CABIN1: variants seen among roughly 807,000 people sequenced by gnomAD.
CABIN1 encodes calcineurin binding protein 1, also known as calcineurin-binding protein cabin-1.
CABIN1 carries 133 observed loss-of-function variants against 227.7 expected under a neutral mutation model. That is an observed-to-expected ratio of 0.58 (90% CI 0.51 to 0.67). CABIN1 has a LOEUF of 0.67. CABIN1 is among the 30% of genes least tolerant of loss of function. CABIN1 has a pLI of 0.00. For synonymous variants in CABIN1, 1,086 were observed against 1,155.1 expected (o/e 0.94, Z 1.21); for missense variants, 2,408 against 2,852.5 (o/e 0.84, Z 3.55).
At chr22:24,170,059 C>T in intron 33 of CABIN1, 1 of 451,868 alleles carries the variant, frequency 2.2e-6, no homozygotes, top group Admixed American at 2.4e-5. Flanking sequence ...GCAGTCTCCT[C>T]CCAGTTTGTG....
At chr22:24,116,212 A>C (rs930860909) in intron 27 of CABIN1, among the ~76,000 whole-genome samples, 4 of 152,238 alleles carry the variant, frequency 2.6e-5, no homozygotes, top group Non-Finnish European at 4.4e-5. Flanking sequence ...TAAAATATGA[A>C]GGTCGCAAGA....
At chr22:24,075,617 C>T (rs780202446) in intron 18 of CABIN1, among the ~76,000 whole-genome samples, 2 of 152,074 alleles carry the variant, frequency 1.3e-5, no homozygotes, top group African/African-American at 2.4e-5. Flanking sequence ...TGGTAGCTCG[C>T]GCCTGTAGTC....
At chr22:24,143,011 C>T (rs989714381) in intron 29 of CABIN1, among the ~76,000 whole-genome samples, 8 of 152,192 alleles carry the variant, frequency 5.3e-5, no homozygotes, top group Non-Finnish European at 1.0e-4. Context: ...GGCCCTGGGC[C>T]AGCTGTGTGG....
rs149166192 is a variant in CABIN1, at chr22:24,074,090, A to G, written c.2632+1580A>G. ...TGATAATTATTACCTCTGGTACCAC[A>G]TTGTTCTCCAAAAGGATTTTAGTGG... On this transcript the variant is annotated intron_variant, in intron 18 of 36. Coordinates refer to ENST00000263119, the MANE Select transcript of CABIN1 (RefSeq NM_012295.4). Among the ~76,000 whole-genome samples, 247 of 152,036 alleles carry G rather than the reference A, an allele frequency of 1.6e-3. 2 individuals are homozygous for G. Among genetic ancestry groups the G allele is most frequent in the African/African-American group, 5.7e-3 (235 of 41,454 alleles).
intron 26 of CABIN1, among the ~76,000 whole-genome samples, chr22:24,104,002 A>G (rs1283540753): frequency 6.6e-6 from 1 of 152,080 alleles, no homozygotes; most frequent in Non-Finnish European, 1.5e-5. Context: ...GCCCATTTAG[A>G]CATGGAGCTT....
rs372830988 is a variant in CABIN1 at position 24,178,160 on chromosome 22, C to T, written c.6627C>T (p.Ser2209=). ...CCAGCCAGGAGTCCTCGCTGGAGAG[C>T]GAGACAGACGAGGACGACGACTACA... The part of the protein sequence containing the change: ...ETSSQESSLE[S]ETDEDDDYMD... Residue 2209 remains serine, a synonymous_variant, in exon 37 of 37, where the codon AGC becomes AGT. Coordinates refer to ENST00000263119, the MANE Select transcript of CABIN1 (RefSeq NM_012295.4). 1.2e-5 allele frequency: 20 copies of T among 1,613,506 alleles called. No homozygotes were observed. Among genetic ancestry groups the T allele is most frequent in the African/African-American group, 8.0e-5 (6 of 75,034 alleles).
intron 1 of CABIN1, among the ~76,000 whole-genome samples, chr22:24,019,366 T>A (rs9608231): frequency 0.28 from 43,083 of 151,438 alleles, 7,692 homozygotes; most frequent in African/African-American, 0.5. Context: ...TCCTGACTTC[T>A]TGATCCTCCT....
In CABIN1 at chr22:24,178,175, C is replaced by T. The variant is rs142176829; in HGVS notation, c.6642C>T (p.Asp2214=). The change falls in exon 37 of 37, where the codon GAC becomes GAT. Residue 2214 remains aspartate (D), a synonymous_variant. Coordinates refer to ENST00000263119, the MANE Select transcript of CABIN1 (RefSeq NM_012295.4). ...CGCTGGAGAGCGAGACAGACGAGGACGACGACTACATGGACATTTGAGGGG... is the reference window on the plus strand; with the variant it reads ...CGCTGGAGAGCGAGACAGACGAGGATGACGACTACATGGACATTTGAGGGG... ...ESSLESETDE[D]DDYMDI 3.8e-5 allele frequency: 62 copies of T among 1,613,128 alleles called. No individual in the cohort carries two copies. Among genetic ancestry groups the T allele is most frequent in the Non-Finnish European group, 4.6e-5 (54 of 1,179,828 alleles).
rs1484709380 is a variant in CABIN1 at position 24,045,069 on chromosome 22, A to G, written c.526+1985A>G. 2.0e-5 allele frequency among the ~76,000 whole-genome samples: 3 copies of G among 151,524 alleles called. No homozygotes were observed. In the East Asian group the frequency reaches 5.8e-4, roughly 29 times the overall value. ...AAAGTAGCTGGGACTACAGGCACCCACCACCAAGCCCGGCTAATTTTTTGT... is the reference window on the plus strand; with the variant it reads ...AAAGTAGCTGGGACTACAGGCACCCGCCACCAAGCCCGGCTAATTTTTTGT... On this transcript the variant is annotated intron_variant, in intron 6 of 36. Coordinates refer to ENST00000263119, the MANE Select transcript of CABIN1 (RefSeq NM_012295.4).
Position 24,036,078 on chromosome 22 carries a change from CCT to C in CABIN1, c.4-10_4-9del, listed in dbSNP as rs767459091. ...AGCAACTTGTCTCTTCCACCAAACC[CCT>C]GTTTCTAGATTCGAATTGCAGCCTT... On this transcript the variant is annotated splice_polypyrimidine_tract_variant and intron_variant, in intron 2 of 36. Coordinates refer to ENST00000263119, the MANE Select transcript of CABIN1 (RefSeq NM_012295.4). 7.9e-5 allele frequency: 127 copies of C among 1,604,322 alleles called. No homozygotes were observed. The highest frequency in any genetic ancestry group is 9.4e-5 in the Non-Finnish European group (110 of 1,171,314).
chr22:24,148,853 C>T (rs1476069491), intron 29 of CABIN1, among the ~76,000 whole-genome samples: 1 of 152,212 alleles, frequency 6.6e-6, no homozygotes, highest in Non-Finnish European at 1.5e-5. Flanking sequence ...GTGGGCTCTC[C>T]TCTGCCCTGC....
At chr22:24,111,859 T>C (rs1256866412) in intron 26 of CABIN1, among the ~76,000 whole-genome samples, 5 of 152,270 alleles carry the variant, frequency 3.3e-5, no homozygotes, top group Admixed American at 3.3e-4. Context: ...TCCTCAGCTG[T>C]GTCAGGTTGG....
chr22:24,120,804 C>T (rs1569245215), intron 28 of CABIN1, among the ~76,000 whole-genome samples: 1 of 152,138 alleles, frequency 6.6e-6, no homozygotes, highest in Admixed American at 6.5e-5. Context: ...CAGAGCGAGA[C>T]TCATCTGAAA....
At chr22:24,132,661 C>T (rs1602263011) in intron 28 of CABIN1, among the ~76,000 whole-genome samples, 2 of 152,338 alleles carry the variant, frequency 1.3e-5, no homozygotes, top group African/African-American at 2.4e-5. Context: ...AATCTCGGCT[C>T]ACTGCAACCT....
At chr22:24,087,909 A>C (rs1330157589) in intron 23 of CABIN1, among the ~76,000 whole-genome samples, 196 bp downstream of exon 23, 2 of 144,092 alleles carry the variant, frequency 1.4e-5, no homozygotes, top group East Asian at 4.2e-4. Context: ...TTGGACACCC[A>C]GTCTAGTGTA....
chr22:24,052,225 TAAGTAGAAGCAGGAGGGAG>T (rs2038391284), intron 8 of CABIN1, among the ~76,000 whole-genome samples: 1 of 152,050 alleles, frequency 6.6e-6, no homozygotes, highest in African/African-American at 2.4e-5. Context: ...GGGGGAGGGC[TAAGTAGAAGCAGGAGGGAG>T]AAGTAGAAGC....
chr22:24,083,170 G>A (rs1321885519), intron 19 of CABIN1, 58 bp from the exon 20 acceptor site: 2 of 1,566,390 alleles, frequency 1.3e-6, no homozygotes, highest in African/African-American at 2.7e-5. Context: ...GCCCTGCTGT[G>A]ACAGGGAGGC....
rs12159292 is a variant in CABIN1, at chr22:24,050,826, G to A, written c.658G>A (p.Asp220Asn). 7 of 1,614,160 alleles carry A rather than the reference G, an allele frequency of 4.3e-6. No homozygotes were observed. The African/African-American group carries it at 8.0e-5, about 18-fold the overall frequency. Residue 220 changes from aspartate to asparagine, a missense_variant and splice_region_variant, in exon 8 of 37, where the codon GAC becomes AAC. Physicochemically the swap from Asp to Asn is conservative, Grantham distance 23. Coordinates refer to ENST00000263119, the MANE Select transcript of CABIN1 (RefSeq NM_012295.4). ...TCTCCCTGTCTCACATGCTTTTAGT[G>A]ACATGTCGATTCACGATGTTTCGGT... ...KDSLRMFLKC[D>N]MSIHDVSVSA... is the part of the protein sequence containing the mutation.
chr22:24,093,413 G>T (rs186818493), intron 24 of CABIN1, among the ~76,000 whole-genome samples: 1 of 152,220 alleles, frequency 6.6e-6, no homozygotes, highest in East Asian at 1.9e-4. Flanking sequence ...TGTGGTGGTG[G>T]AGGCCAGTAG....
Sources: allele counts gnomAD v4.1 joint callset (sites outside exome capture counted in the v4.1 genomes callset), GRCh38; gene constraint gnomAD v4.1.1; transcripts MANE v1.5; gene names NCBI Gene and HGNC (gene_info 2026-07-23, HGNC 2026-07-21).